MAP2K4: variants seen among roughly 807,000 people sequenced by gnomAD.
The protein encoded by MAP2K4 is mitogen-activated protein kinase kinase 4.
MAP2K4 carries 4 observed loss-of-function variants against 48.5 expected under a neutral mutation model. The ratio of observed to expected loss-of-function variants is 0.08; its 90% CI spans 0.04 to 0.19. The LOEUF (loss-of-function observed/expected upper bound fraction) is 0.19. MAP2K4 is among the 10% of genes least tolerant of loss of function. The pLI is 1.00. For synonymous variants in MAP2K4, 166 were observed against 173.1 expected, an observed-to-expected ratio of 0.96 and a Z score of 0.32; for missense variants, 258 against 493.3, an observed-to-expected ratio of 0.52 and a Z score of 4.52.
At chr17:12,047,269 G>A (rs1969997101) in intron 1 of MAP2K4, among the ~76,000 whole-genome samples, 3 of 152,034 alleles carry the variant, frequency 2.0e-5, no homozygotes, top group African/African-American at 7.2e-5. Context: ...TTTTACCCTG[G>A]TTTAGGACTT....
intron 1 of MAP2K4, 131 bp from the exon 2 acceptor site, chr17:12,054,757 CA>C (rs1319766330): frequency 1.6e-5 from 8 of 504,538 alleles, no homozygotes; most frequent in Non-Finnish European, 2.5e-5. Flanking sequence ...CATTGCCTTT[CA>C]AAATATTGTC....
At position 12,081,350 on chromosome 17, in the gene MAP2K4, T is replaced by C; in HGVS notation, c.219-6T>C. 4 of 1,590,920 alleles carry C rather than the reference T, an allele frequency of 2.5e-6. No homozygotes were observed. The highest frequency in any genetic ancestry group is 3.4e-6 in the Non-Finnish European group (4 of 1,172,774). ...GTGGAAAAATTGCTTCCCAATATTT[T>C]AACAGAGAGAGACTGAGAACACACA... is the stretch of plus-strand genomic sequence containing the variant. On this transcript the variant is annotated splice_polypyrimidine_tract_variant and splice_region_variant and intron_variant, in intron 2 of 10. Transcript: ENST00000353533. The surrounding 1 kb of genome is among the most constrained non-coding windows in gnomAD (Gnocchi z 4.2).
intron 1 of MAP2K4, among the ~76,000 whole-genome samples, chr17:12,045,449 A>G (rs1382152912): frequency 6.6e-6 from 1 of 152,196 alleles, no homozygotes; most frequent in Admixed American, 6.5e-5. Flanking sequence ...CTGTCTGTAC[A>G]GTGAGGTCAG....
chr17:12,135,452 A>C (rs1597504672), intron 9 of MAP2K4, among the ~76,000 whole-genome samples: 2 of 152,140 alleles, frequency 1.3e-5, no homozygotes, highest in Non-Finnish European at 2.9e-5. Flanking sequence ...GGTTGGTCTT[A>C]AACTCCTAGG....
intron 9 of MAP2K4, among the ~76,000 whole-genome samples, chr17:12,132,212 C>T (rs1191884163): frequency 6.6e-6 from 1 of 152,128 alleles, no homozygotes; most frequent in African/African-American, 2.4e-5. Context: ...GATGTATACA[C>T]CATGGTTCAG....
chr17:12,136,841 A>G (rs1001865145), intron 9 of MAP2K4, among the ~76,000 whole-genome samples: 16 of 152,186 alleles, frequency 1.1e-4, no homozygotes, highest in African/African-American at 3.9e-4. Flanking sequence ...AAATGCAACA[A>G]AAATACTGAC....
intron 4 of MAP2K4, among the ~76,000 whole-genome samples, chr17:12,097,960 T>A (rs1434827921): frequency 6.6e-6 from 1 of 152,188 alleles, no homozygotes; most frequent in African/African-American, 2.4e-5. Context: ...AAACATGAAC[T>A]TTCCTCCCAA....
intron 1 of MAP2K4, among the ~76,000 whole-genome samples, chr17:12,023,253 A>T (rs1969148865): frequency 6.6e-6 from 1 of 152,178 alleles, no homozygotes; most frequent in Admixed American, 6.5e-5. Context: ...GCTTGAACTT[A>T]AGCAGCAATT....
At chr17:12,109,533 G>A (rs1414009730) in intron 5 of MAP2K4, among the ~76,000 whole-genome samples, 4 of 152,122 alleles carry the variant, frequency 2.6e-5, no homozygotes, top group Non-Finnish European at 5.9e-5. Context: ...TTCTCTTTTA[G>A]TTTGAGGTTG....
In MAP2K4 at chr17:12,110,342, G is replaced by A. The variant is rs776902856; in HGVS notation, c.634-33G>A. ...GTGCTGTTTGAATAAAAAGAAACAA[G>A]TTGTTTATCCCATCTCTCCTTTTTC... On this transcript the variant is annotated intron_variant, in intron 5 of 10. Transcript: ENST00000353533. 24 of 1,512,026 alleles carry A rather than the reference G, an allele frequency of 1.6e-5. No individual in the cohort carries two copies. The South Asian group carries it at 2.7e-4, about 17-fold the overall frequency. 93.7% of individuals were successfully genotyped at this position (1,512,026 alleles called of 1,614,324 possible).
intron 1 of MAP2K4, among the ~76,000 whole-genome samples, chr17:12,049,006 C>A (rs570691742): frequency 6.6e-6 from 1 of 152,078 alleles, no homozygotes; most frequent in African/African-American, 2.4e-5. Flanking sequence ...CTCTCATTAC[C>A]GTAGTAATTT....
rs143973731 is a variant in MAP2K4 at position 12,029,213 on chromosome 17, T to TA, written c.115+8213dup. ...CAAATGTGGGAACGAGGGTAGGAGA[T>TA]ACGTAGAGAGAAAAAGGAGGAGGAA... On this transcript the variant is annotated intron_variant, in intron 1 of 10. Coordinates refer to ENST00000353533, the MANE Select transcript of MAP2K4 (RefSeq NM_003010.4). Among the ~76,000 whole-genome samples the TA allele has an allele frequency of 9.2e-3, 1,404 of 152,156 alleles. 22 individuals are homozygous for TA. Among genetic ancestry groups the TA allele is most frequent in the African/African-American group, 0.032 (1,343 of 41,508 alleles).
intron 1 of MAP2K4, among the ~76,000 whole-genome samples, chr17:12,048,508 G>C (rs376749405): frequency 6.6e-6 from 1 of 152,088 alleles, no homozygotes; most frequent in Non-Finnish European, 1.5e-5. Flanking sequence ...GAACTTTTTA[G>C]TAATTGCTCA....
intron 3 of MAP2K4, among the ~76,000 whole-genome samples, chr17:12,090,532 G>A (rs1971527622): frequency 6.6e-6 from 1 of 152,144 alleles, no homozygotes; most frequent in African/African-American, 2.4e-5. Context: ...TGCCTCGTCT[G>A]CAACTCCATC....
intron 1 of MAP2K4, among the ~76,000 whole-genome samples, chr17:12,044,025 ACT>A (rs1878593567): frequency 1.3e-5 from 2 of 151,606 alleles, no homozygotes; most frequent in South Asian, 4.2e-4. Context: ...GAGTTACCAG[ACT>A]CTTGCACAAA....
intron 2 of MAP2K4, among the ~76,000 whole-genome samples, chr17:12,062,682 A>G (rs1052639420): frequency 1.3e-5 from 2 of 152,210 alleles, no homozygotes; most frequent in Admixed American, 1.3e-4. Context: ...TTTATTGGGT[A>G]TAGAATTCTG....
intron 8 of MAP2K4, 106 bp downstream of exon 8, chr17:12,125,477 C>T: frequency 1.2e-6 from 1 of 854,406 alleles, no homozygotes; most frequent in South Asian, 1.4e-5. Context: ...ACTATAATCA[C>T]AGACACTATG....
At chr17:12,122,926 G>T (rs1972736857) in intron 7 of MAP2K4, among the ~76,000 whole-genome samples, 1 of 152,132 alleles carries the variant, frequency 6.6e-6, no homozygotes, top group Non-Finnish European at 1.5e-5. Flanking sequence ...AAATAATGGT[G>T]CATTGCATTG....
At chr17:12,049,489 C>A (rs772503979) in intron 1 of MAP2K4, among the ~76,000 whole-genome samples, 1 of 152,068 alleles carries the variant, frequency 6.6e-6, no homozygotes. Flanking sequence ...TTTTATGATT[C>A]TTTTCATTAG....
Sources: allele counts gnomAD v4.1 joint callset (sites outside exome capture counted in the v4.1 genomes callset), GRCh38; gene constraint gnomAD v4.1.1; non-coding constraint Gnocchi (gnomAD v3.1); transcripts MANE v1.5; gene names NCBI Gene and HGNC (gene_info 2026-07-23, HGNC 2026-07-21).